GABRG1: variants seen among roughly 807,000 people sequenced by gnomAD.
The protein encoded by GABRG1 is gamma-aminobutyric acid receptor subunit gamma-1.
Under a neutral mutation model 49.8 loss-of-function variants are expected in GABRG1, and 49 were observed. The ratio of observed to expected loss-of-function variants is 0.98; its 90% CI spans 0.78 to 1.25. The LOEUF is 1.25. Ranked by LOEUF, GABRG1 falls within the 50% of genes most tolerant of loss-of-function variation. GABRG1 has a pLI of 0.00. For synonymous variants in GABRG1, 232 were observed against 185.1 expected (o/e 1.25, Z -2.06); for missense variants, 552 against 552.3 (o/e 1.00, Z 0.01).
intron 5 of GABRG1, among the ~76,000 whole-genome samples, chr4:46,060,155 A>T (rs1718618101): frequency 6.6e-6 from 1 of 152,052 alleles, no homozygotes; most frequent in Admixed American, 6.6e-5. Flanking sequence ...TGGGCTAAAA[A>T]TCTATTTGAG....
chr4:46,114,927 T>TA (rs1024685002), intron 1 of GABRG1, among the ~76,000 whole-genome samples: 2 of 150,742 alleles, frequency 1.3e-5, no homozygotes, highest in Non-Finnish European at 1.5e-5. Flanking sequence ...GTAAATGTCT[T>TA]ACGTGAAGAA....
intron 2 of GABRG1, among the ~76,000 whole-genome samples, chr4:46,086,764 C>T (rs1719772162): frequency 1.3e-5 from 2 of 151,576 alleles, no homozygotes; most frequent in African/African-American, 4.8e-5. Context: ...AAGCAACCAC[C>T]TAGTGTGAAT....
rs1717557967 is a variant in GABRG1, at chr4:46,037,046, C to T, written c.*3942G>A. On this transcript the variant is annotated 3_prime_UTR_variant, in exon 9 of 9. Transcript: ENST00000295452. ...CTCTCCCTCTTACCTGTTGAATCCC[C>T]AGCTCGCATCTCTAAACACATATCC... 1 of 151,784 alleles carries T rather than the reference C, an allele frequency of 6.6e-6. No homozygotes were observed. The highest frequency in any genetic ancestry group is 6.6e-5 in the Admixed American group (1 of 15,172). The allele number at this position is 151,784 out of a possible 1,614,324, so 9.4% of individuals were successfully genotyped here.
chr4:46,120,389 C>T (rs927425591), intron 1 of GABRG1, among the ~76,000 whole-genome samples: 1 of 151,606 alleles, frequency 6.6e-6, no homozygotes, highest in Non-Finnish European at 1.5e-5. Flanking sequence ...TCAAACATTT[C>T]CTCTTGTTCC....
chr4:46,112,984 C>G (rs1371563445), intron 1 of GABRG1, among the ~76,000 whole-genome samples: 1 of 150,992 alleles, frequency 6.6e-6, no homozygotes, highest in Non-Finnish European at 1.5e-5. Context: ...AAGGCCCCCA[C>G]ATTATGGTCT....
At chr4:46,108,256 C>T (rs1357754481) in intron 1 of GABRG1, among the ~76,000 whole-genome samples, 1 of 150,960 alleles carries the variant, frequency 6.6e-6, no homozygotes, top group Admixed American at 6.6e-5. Context: ...TATGGCCTGT[C>T]AGGGTCAAGC....
At chr4:46,059,201 G>T (rs1459368013) in intron 5 of GABRG1, among the ~76,000 whole-genome samples, 1 of 152,006 alleles carries the variant, frequency 6.6e-6, no homozygotes, top group African/African-American at 2.4e-5. Context: ...GACATTTGTG[G>T]TATTTTCTGT....
chr4:46,041,295 A>T, intron 8 of GABRG1, 41 bp from the exon 9 acceptor site: 1 of 1,591,858 alleles, frequency 6.3e-7, no homozygotes. Context: ...TCAAAAAAGT[A>T]GCATAAGGAA....
chr4:46,123,206 A>G (rs960937011), intron 1 of GABRG1, among the ~76,000 whole-genome samples: 10 of 151,882 alleles, frequency 6.6e-5, no homozygotes, highest in African/African-American at 2.2e-4. Flanking sequence ...ATTTTAAAAA[A>G]AAACACTCAA....
At chr4:46,080,980 T>C (rs1719545387) in intron 3 of GABRG1, among the ~76,000 whole-genome samples, 1 of 151,836 alleles carries the variant, frequency 6.6e-6, no homozygotes. Flanking sequence ...GTTTTCTGTT[T>C]GCAAAAATCA....
chr4:46,092,810 C>T (rs1045283408), intron 2 of GABRG1, among the ~76,000 whole-genome samples: 2 of 151,628 alleles, frequency 1.3e-5, no homozygotes, highest in Non-Finnish European at 1.5e-5. Flanking sequence ...ACCTGTAATC[C>T]CAGCCCTTTA....
intron 3 of GABRG1, among the ~76,000 whole-genome samples, chr4:46,066,886 G>A (rs540845612): frequency 1.3e-5 from 2 of 151,292 alleles, no homozygotes; most frequent in South Asian, 2.1e-4. Flanking sequence ...GTGTATATAT[G>A]TGTGTGTATA....
At chr4:46,121,915 C>A (rs747862294) in intron 1 of GABRG1, among the ~76,000 whole-genome samples, 1 of 152,012 alleles carries the variant, frequency 6.6e-6, no homozygotes, top group Non-Finnish European at 1.5e-5. Context: ...CCATAGTATT[C>A]ACACTTAGAA....
At chr4:46,043,521 A>G (rs1017353247) in intron 8 of GABRG1, among the ~76,000 whole-genome samples, 3 of 152,040 alleles carry the variant, frequency 2.0e-5, no homozygotes, top group African/African-American at 7.2e-5. Flanking sequence ...TGAAACACAG[A>G]TTTCTGACCT....
chr4:46,095,716 G>C (rs1388196984), intron 2 of GABRG1, among the ~76,000 whole-genome samples: 1 of 151,664 alleles, frequency 6.6e-6, no homozygotes, highest in Non-Finnish European at 1.5e-5. Context: ...CAAATCAATA[G>C]AAAAATAATT....
chr4:46,044,925 T>C (rs546692444), intron 8 of GABRG1, among the ~76,000 whole-genome samples: 120 of 152,102 alleles, frequency 7.9e-4, no homozygotes, highest in Non-Finnish European at 1.6e-3. Flanking sequence ...TGTCCTAGTA[T>C]TGTGCCATCA....
rs764639040 is a variant in GABRG1 at position 46,105,185 on chromosome 4, A to G, written c.105-7836T>C. ...GGAAGCTGGCAGAATGATACTTGCT[A>G]ATTAAGGCCTGGGCAAATTATTGAT... On this transcript the variant is annotated intron_variant, in intron 1 of 8. Coordinates refer to ENST00000295452, the MANE Select transcript of GABRG1 (RefSeq NM_173536.4). 7.9e-5 allele frequency among the ~76,000 whole-genome samples: 12 copies of G among 151,530 alleles called. No individual in the cohort carries two copies. In the East Asian group the frequency reaches 2.2e-3, roughly 27 times the overall value.
At chr4:46,101,975 C>G (rs958853582) in intron 1 of GABRG1, among the ~76,000 whole-genome samples, 3 of 151,500 alleles carry the variant, frequency 2.0e-5, no homozygotes, top group African/African-American at 7.3e-5. Flanking sequence ...TTTATTTTTG[C>G]ATGTTAATAG....
chr4:46,058,184 T>C (rs775153115), intron 7 of GABRG1, 33 bp downstream of exon 7: 5 of 1,571,326 alleles, frequency 3.2e-6, no homozygotes, highest in Non-Finnish European at 4.3e-6. Context: ...TTTAAAGTTC[T>C]ATGGCATTAT....
Sources: gnomAD v4.1 joint callset for allele counts (sites outside exome capture counted in the v4.1 genomes callset) on GRCh38, gnomAD v4.1.1 for gene constraint, MANE v1.5 for transcripts, NCBI Gene and HGNC (gene_info 2026-07-23, HGNC 2026-07-21) for gene names.